The following TPP2 variants were observed in gnomAD, a reference collection of about 807,000 sequenced individuals.
TPP2 encodes tripeptidyl peptidase 2, also known as tripeptidyl-peptidase 2.
In TPP2, 34 loss-of-function variants were observed where a neutral mutation model predicts 155.9. That is an observed-to-expected ratio of 0.22 (90% CI 0.17 to 0.29). The LOEUF (loss-of-function observed/expected upper bound fraction) is 0.29, where lower values mean the gene tolerates loss of function less well. Among genes scored for constraint, TPP2 ranks in the 10% least tolerant of loss-of-function variants. The pLI, the probability that TPP2 is intolerant of heterozygous loss-of-function variation, is 1.00. For synonymous variants in TPP2, 510 were observed against 529.4 expected (o/e 0.96, Z 0.50); for missense variants, 1,028 against 1,522.3 (o/e 0.68, Z 5.40).
chr13:102,634,702 A>G (rs1453595604), intron 11 of TPP2, among the ~76,000 whole-genome samples: 1 of 152,094 alleles, frequency 6.6e-6, no homozygotes, highest in Non-Finnish European at 1.5e-5. Context: ...GCCTGTCCAC[A>G]CTGGTGCTAT....
chr13:102,650,017 G>A (rs659730), intron 23 of TPP2, among the ~76,000 whole-genome samples: 75,369 of 151,890 alleles, frequency 0.5, 19,095 homozygotes, highest in African/African-American at 0.6. Flanking sequence ...AATATGAGAT[G>A]TTTCTTTTGG....
Position 102,621,735 on chromosome 13 carries a change from G to A in TPP2, c.621-1142G>A, listed in dbSNP as rs188800799. The stretch of plus-strand genomic sequence containing the variant: ...TAAGGAAGAGACAGTGGAAATAGGC[G>A]GACACATTATGGAGATGGGACTGTG... On this transcript the variant is annotated intron_variant, in intron 5 of 29. Transcript: ENST00000376052. Among the ~76,000 whole-genome samples, 128 of 152,232 alleles carry A rather than the reference G, an allele frequency of 8.4e-4. No homozygotes were observed. The South Asian group carries it at 0.016, about 19-fold the overall frequency.
chr13:102,632,442 A>G (rs945342543), intron 10 of TPP2, among the ~76,000 whole-genome samples: 3 of 151,764 alleles, frequency 2.0e-5, no homozygotes, highest in African/African-American at 7.3e-5. Flanking sequence ...GGGTTTCACC[A>G]TGTTGGCCAG....
chr13:102,614,230 C>T, intron 3 of TPP2, 34 bp downstream of exon 3: 1 of 1,483,336 alleles, frequency 6.7e-7, no homozygotes, highest in Non-Finnish European at 9.2e-7. Context: ...GAGTTGTATT[C>T]TTCTGACTTG....
At chr13:102,604,764 A>G (rs756932469) in intron 1 of TPP2, 29 bp from the exon 2 acceptor site, 4 of 1,602,044 alleles carry the variant, frequency 2.5e-6, no homozygotes, top group African/African-American at 1.4e-5. Context: ...AAAATCTACC[A>G]TTCATATTTT....
chr13:102,615,309 C>A (rs986268868), intron 3 of TPP2, among the ~76,000 whole-genome samples: 2 of 152,146 alleles, frequency 1.3e-5, no homozygotes, highest in Non-Finnish European at 2.9e-5. Context: ...ACCACCACAC[C>A]CATCTAATTT....
intron 27 of TPP2, among the ~76,000 whole-genome samples, chr13:102,670,708 T>C (rs1192551829): frequency 1.3e-5 from 2 of 152,220 alleles, no homozygotes; most frequent in Non-Finnish European, 2.9e-5. Flanking sequence ...GGTTTTGTAA[T>C]GTATCAGTTA....
rs376705953 is a variant in TPP2 at position 102,637,245 on chromosome 13, G to A, written c.1836+6G>A. ...AAGGATTGCATTATACAGAGGTATT[G>A]ATGTATCTTCATTTTTACTTTCTTC... On this transcript the variant is annotated splice_donor_region_variant and intron_variant, in intron 14 of 29. Transcript: ENST00000376052. 27 of 1,578,392 alleles carry A rather than the reference G, an allele frequency of 1.7e-5. No individual in the cohort carries two copies. The highest frequency in any genetic ancestry group is 2.3e-5 in the Non-Finnish European group (27 of 1,173,242).
chr13:102,620,835 T>A (rs1054141707), intron 5 of TPP2, among the ~76,000 whole-genome samples: 3 of 152,242 alleles, frequency 2.0e-5, no homozygotes, highest in African/African-American at 7.2e-5. Context: ...AAGCTATTAG[T>A]TGATTTCTTT....
intron 25 of TPP2, among the ~76,000 whole-genome samples, chr13:102,661,734 TCA>T (rs918272268): frequency 1.3e-5 from 2 of 152,112 alleles, no homozygotes; most frequent in African/African-American, 4.8e-5. Flanking sequence ...AAATACAACT[TCA>T]CACTTACTAG....
rs115409498 is a variant in TPP2, at chr13:102,637,045, A to G, written c.1679-37A>G. The G allele has an allele frequency of 1.8e-3, 2,760 of 1,552,312 alleles. 46 individuals carry two copies. In the African/African-American group the frequency reaches 0.035, roughly 20 times the overall value. On this transcript the variant is annotated intron_variant, in intron 13 of 29. Transcript: ENST00000376052. ...ATTTTTAAATGGAAAAAAGGAAAAA[A>G]ATACTCATCTTTAATTTTTGGTCTT... is the stretch of plus-strand genomic sequence containing the variant.
rs183218247 is a variant in TPP2, at chr13:102,611,865, C to A, written c.295-2236C>A. 8.5e-5 allele frequency among the ~76,000 whole-genome samples: 13 copies of A among 152,304 alleles called. No individual in the cohort carries two copies. The East Asian group carries it at 2.5e-3, about 29-fold the overall frequency. The stretch of plus-strand genomic sequence containing the variant: ...CTGTAAAAAGACCCAGTTGTCCCAA[C>A]ACCATGTGTTCCACAATTTTCACTC... On this transcript the variant is annotated intron_variant, in intron 2 of 29. Coordinates refer to ENST00000376052, the MANE Select transcript of TPP2 (RefSeq NM_001330588.2).
At chr13:102,673,558 A>T (rs1459233142) in intron 27 of TPP2, among the ~76,000 whole-genome samples, 1 of 152,174 alleles carries the variant, frequency 6.6e-6, no homozygotes, top group Non-Finnish European at 1.5e-5. Context: ...GCATTGTCCT[A>T]GGCACGTGGA....
At chr13:102,647,112 TA>T in intron 20 of TPP2, 94 bp from the exon 21 acceptor site, 1 of 1,373,030 alleles carries the variant, frequency 7.3e-7, no homozygotes, top group Non-Finnish European at 9.6e-7. Context: ...TAATGTTTTT[TA>T]AATGAAAAAG....
chr13:102,631,347 G>C (rs1595165167), intron 10 of TPP2: 1 of 152,268 alleles, frequency 6.6e-6, no homozygotes, highest in African/African-American at 2.4e-5. Context: ...AAAACAACCA[G>C]GCCGTGGATA....
Position 102,610,607 on chromosome 13 carries a change from T to C in TPP2, c.295-3494T>C, listed in dbSNP as rs78897071. Among the ~76,000 whole-genome samples, 751 of 152,310 alleles carry C rather than the reference T, an allele frequency of 4.9e-3. 7 individuals are homozygous for C. The highest frequency in any genetic ancestry group is 0.017 in the African/African-American group (714 of 41,552). On this transcript the variant is annotated intron_variant, in intron 2 of 29. Transcript: ENST00000376052. ...CATAAACTGCTAACAGACTTTTATT[T>C]TTCTGTCAGTTTAAGATCAACTGTT... is the stretch of plus-strand genomic sequence containing the variant.
intron 15 of TPP2, 63 bp downstream of exon 15, chr13:102,638,378 T>G: frequency 6.6e-7 from 1 of 1,513,606 alleles, no homozygotes; most frequent in Non-Finnish European, 9.1e-7. Context: ...ATTCATGGAG[T>G]CTTGTGGACT....
At chr13:102,655,663 C>T (rs1469964694) in intron 24 of TPP2, among the ~76,000 whole-genome samples, 1 of 152,178 alleles carries the variant, frequency 6.6e-6, no homozygotes, top group East Asian at 1.9e-4. Flanking sequence ...TCAAAAGAAT[C>T]ACAGACATGT....
At chr13:102,666,109 A>G (rs1884575106) in intron 27 of TPP2, among the ~76,000 whole-genome samples, 1 of 152,254 alleles carries the variant, frequency 6.6e-6, no homozygotes, top group African/African-American at 2.4e-5. Context: ...CATTTTAAAT[A>G]CATTGTTTTA....
Sources: gnomAD v4.1 joint callset for allele counts (sites outside exome capture counted in the v4.1 genomes callset) on GRCh38, gnomAD v4.1.1 for gene constraint, MANE v1.5 for transcripts, NCBI Gene and HGNC (gene_info 2026-07-23, HGNC 2026-07-21) for gene names.